The following ITIH5 variants were observed in gnomAD, a reference collection of about 807,000 sequenced individuals.
ITIH5 encodes the protein inter-alpha-trypsin inhibitor heavy chain 5.
Under a neutral mutation model 77.5 loss-of-function variants are expected in ITIH5, and 65 were observed. The observed-to-expected ratio is 0.84, with a 90% CI of 0.69 to 1.03. ITIH5 has a LOEUF of 1.03. Ranked by LOEUF, ITIH5 falls within the 50% of genes least tolerant of loss-of-function variation. ITIH5 has a pLI of 0.00. For synonymous variants in ITIH5, 525 were observed against 494.3 expected (o/e 1.06, Z -0.82); for missense variants, 1,208 against 1,213.1 (o/e 1.00, Z 0.06).
intron 5 of ITIH5, among the ~76,000 whole-genome samples, chr10:7,624,812 T>TAC (rs1554755319): frequency 5.4e-5 from 6 of 110,662 alleles, no homozygotes; most frequent in African/African-American, 1.1e-4. Flanking sequence ...TATATATATA[T>TAC]ACACATATAT....
chr10:7,615,388 T>C (rs764528444), intron 7 of ITIH5, among the ~76,000 whole-genome samples: 31 of 152,294 alleles, frequency 2.0e-4, no homozygotes, highest in Non-Finnish European at 3.5e-4. Flanking sequence ...TTGAAATGTA[T>C]CGTATATGAA....
chr10:7,584,998 C>T (rs1832644246), intron 8 of ITIH5, among the ~76,000 whole-genome samples: 1 of 152,176 alleles, frequency 6.6e-6, no homozygotes, highest in African/African-American at 2.4e-5. Flanking sequence ...AGGGCTTTGT[C>T]TTGGACTGGG....
chr10:7,563,691 A>T (rs1448495889), intron 13 of ITIH5, among the ~76,000 whole-genome samples: 1 of 152,252 alleles, frequency 6.6e-6, no homozygotes, highest in African/African-American at 2.4e-5. Flanking sequence ...GACGGGGCAT[A>T]TGAAGAGGGA....
At chr10:7,597,479 C>T (rs1054118434) in intron 7 of ITIH5, among the ~76,000 whole-genome samples, 52 of 152,172 alleles carry the variant, frequency 3.4e-4, no homozygotes, top group Non-Finnish European at 6.5e-4. Flanking sequence ...GAAATGTCTG[C>T]CTTCCCAGCC....
rs776458459 is a variant in ITIH5, at chr10:7,637,307, G to T, written c.573C>A (p.Ile191=). Reference sequence around the variant, plus strand: ...GGGATGCGATGCCCGCGCTCTCCAGGATATTCACGTCCACGCTCAGCCTCC... The same window carrying T: ...GGGATGCGATGCCCGCGCTCTCCAGTATATTCACGTCCACGCTCAGCCTCC... ...LSGRLSVDVN[I]LESAGIASLE... The change falls in exon 5 of 14, where the codon ATC becomes ATA. Residue 191 remains isoleucine (I), a synonymous_variant. Transcript: ENST00000397146. 1 of 1,613,710 alleles carries T rather than the reference G, an allele frequency of 6.2e-7. No homozygotes were observed. Among genetic ancestry groups the T allele is most frequent in the South Asian group, 1.1e-5 (1 of 91,080 alleles).
chr10:7,601,328 G>A (rs1409712387), intron 7 of ITIH5, among the ~76,000 whole-genome samples: 1 of 152,142 alleles, frequency 6.6e-6, no homozygotes, highest in Admixed American at 6.5e-5. Context: ...GGTTCTTGGA[G>A]GTCAAGAATG....
intron 7 of ITIH5, among the ~76,000 whole-genome samples, chr10:7,612,157 T>C (rs1833259071): frequency 6.6e-6 from 1 of 152,184 alleles, no homozygotes; most frequent in African/African-American, 2.4e-5. Flanking sequence ...CATTTCTACA[T>C]GAAGACAGTC....
intron 2 of ITIH5, among the ~76,000 whole-genome samples, chr10:7,645,477 C>A (rs114794843): frequency 0.021 from 3,162 of 152,254 alleles, 113 homozygotes; most frequent in African/African-American, 0.073. Context: ...GTTTAACAAA[C>A]CCTTCAGGTC....
In ITIH5 at chr10:7,576,888, C is replaced by T; in HGVS notation, c.1543G>A (p.Ala515Thr). 3 of 1,614,172 alleles carry T rather than the reference C, an allele frequency of 1.9e-6. No homozygotes were observed. The highest frequency in any genetic ancestry group is 2.5e-6 in the Non-Finnish European group (3 of 1,180,036). Reference protein sequence around the residue: ...NYFNGSEIIIAGKLVDRKLDH... With the variant: ...NYFNGSEIIITGKLVDRKLDH... ...AGCTTCCTGTCCACCAGCTTCCCCG[C>T]AATGATGATCTCCGAGCCGTTGAAG... The change falls in exon 10 of 14, where the codon GCG becomes ACG. Residue 515 changes from alanine to threonine, a missense_variant. Ala to Thr is a moderately conservative substitution (Grantham distance 58). Transcript: ENST00000397146.
At chr10:7,567,076 G>A (rs1462343982) in intron 12 of ITIH5, among the ~76,000 whole-genome samples, 3 of 151,760 alleles carry the variant, frequency 2.0e-5, no homozygotes, top group Non-Finnish European at 2.9e-5. Context: ...GAGGGAATGC[G>A]TAAAGTTATG....
At chr10:7,621,782 C>G (rs1310129127) in intron 5 of ITIH5, 1 of 152,136 alleles carries the variant, frequency 6.6e-6, no homozygotes, top group African/African-American at 2.4e-5. Context: ...CTCCGTTTTT[C>G]CTTGCTGTGA....
At chr10:7,596,250 C>T (rs1387665263) in intron 7 of ITIH5, among the ~76,000 whole-genome samples, 1 of 152,160 alleles carries the variant, frequency 6.6e-6, no homozygotes, top group East Asian at 1.9e-4. Flanking sequence ...GCCCAAGGAG[C>T]TTCAGGCTTT....
At position 7,565,414 on chromosome 10, in the gene ITIH5, C is replaced by T. The variant is rs555900296; in HGVS notation, c.2527+616G>A. Reference sequence around the variant, plus strand: ...CACATATCATGCACACATACATAGACAGTATACATACATATATACACATAG... The same window carrying T: ...CACATATCATGCACACATACATAGATAGTATACATACATATATACACATAG... On this transcript the variant is annotated intron_variant, in intron 13 of 13. Coordinates refer to ENST00000397146, the MANE Select transcript of ITIH5 (RefSeq NM_030569.7). Among the ~76,000 whole-genome samples the T allele has an allele frequency of 8.1e-5, 12 of 147,732 alleles. 1 individual carries two copies. Among genetic ancestry groups the T allele is most frequent in the African/African-American group, 2.6e-4 (10 of 39,030 alleles).
chr10:7,565,779 TAC>T (rs57241496), intron 13 of ITIH5, among the ~76,000 whole-genome samples: 1 of 148,628 alleles, frequency 6.7e-6, no homozygotes, highest in African/African-American at 2.5e-5. Context: ...TATGCATACA[TAC>T]AGACTATATA....
At chr10:7,640,148 C>CAAAAAAAAAAAAA (rs56939703) in intron 4 of ITIH5, among the ~76,000 whole-genome samples, 1 of 80,278 alleles carries the variant, frequency 1.2e-5, no homozygotes, top group Non-Finnish European at 2.3e-5. Flanking sequence ...GGGGTAACTA[C>CAAAAAAAAAAAAA]AAAAAAAAAA....
Position 7,624,729 on chromosome 10 carries a change from T to C in ITIH5, c.653-7447A>G, listed in dbSNP as rs1259086668. 3.0e-5 allele frequency among the ~76,000 whole-genome samples: 4 copies of C among 133,342 alleles called. No individual in the cohort carries two copies. The East Asian group carries it at 9.4e-4, about 31-fold the overall frequency. 87.5% of individuals were successfully genotyped at this position (133,342 alleles called of 152,430 possible). ...TGAACCTGGGAGGCAGAGGTTGCAG[T>C]GAGCCAAGATTGTGTCACTGCACTC... On this transcript the variant is annotated intron_variant, in intron 5 of 13. Transcript: ENST00000397146.
intron 5 of ITIH5, among the ~76,000 whole-genome samples, chr10:7,624,809 ATATACACATATATATGTGTATATACATG>A (rs1265607553): frequency 1.9e-4 from 23 of 121,892 alleles, no homozygotes; most frequent in African/African-American, 7.5e-4. Context: ...ATATATATAT[ATATACACATATATATGTGTATATACATG>A]TATATACACA....
chr10:7,568,052 C>T (rs1393703698), intron 12 of ITIH5, among the ~76,000 whole-genome samples: 4 of 152,074 alleles, frequency 2.6e-5, no homozygotes, highest in Non-Finnish European at 5.9e-5. Flanking sequence ...CTTTTCTGGA[C>T]TTGAGCAAGG....
chr10:7,566,170 A>T lies in ITIH5; in HGVS notation c.2387T>A (p.Val796Asp). 1 of 1,614,052 alleles carries T rather than the reference A, an allele frequency of 6.2e-7. No individual in the cohort carries two copies. Among genetic ancestry groups the T allele is most frequent in the African/African-American group, 1.3e-5 (1 of 74,996 alleles). ...TATGGAGCCCTGGATGGTGACGGTG[A>T]CATTGGCGTTGGCAGACACGGACAC... ...LEVSVSANAN[V>D]TVTIQGSIAF... is the part of the protein sequence containing the mutation. The change falls in exon 13 of 14, where the codon GTC becomes GAC. Residue 796 changes from valine to aspartate, a missense_variant. Coordinates refer to ENST00000397146, the MANE Select transcript of ITIH5 (RefSeq NM_030569.7).
Sources: gnomAD v4.1 joint callset for allele counts (sites outside exome capture counted in the v4.1 genomes callset) on GRCh38, gnomAD v4.1.1 for gene constraint, MANE v1.5 for transcripts, NCBI Gene and HGNC (gene_info 2026-07-23, HGNC 2026-07-21) for gene names.